The following KCTD2 variants were observed in gnomAD, a reference collection of about 807,000 sequenced individuals.
KCTD2 encodes the protein potassium channel tetramerization domain containing 2.
A neutral mutation model predicts 27.9 loss-of-function variants in KCTD2; 18 were observed. The ratio of observed to expected loss-of-function variants is 0.64; its 90% confidence interval spans 0.45 to 0.96. KCTD2 has a LOEUF of 0.96. Among genes scored for constraint, KCTD2 ranks in the 40% least tolerant of loss-of-function variants. The pLI is 0.00. For missense variants in KCTD2, 280 were observed against 348.0 expected, an observed-to-expected ratio of 0.80 and a Z score of 1.56; for synonymous variants, 175 against 148.4, an observed-to-expected ratio of 1.18 and a Z score of -1.30.
chr17:75,042,541 G>C (rs1567987792), upstream of KCTD2: 1 of 1,612,112 alleles, frequency 6.2e-7, no homozygotes, highest in Admixed American at 1.7e-5. Context: ...GGAGGTGAGG[G>C]TCTCATTCCA....
chr17:75,052,934 C>G, intron 2 of KCTD2, 80 bp from the exon 3 acceptor site: 1 of 988,556 alleles, frequency 1.0e-6, no homozygotes, highest in East Asian at 2.4e-5. Context: ...TTTTAGCAAG[C>G]ATGTAACCTT....
At chr17:75,048,045 G>C in intron 1 of KCTD2, among the ~76,000 whole-genome samples, 1 of 152,156 alleles carries the variant, frequency 6.6e-6, no homozygotes, top group East Asian at 1.9e-4. Context: ...CTGCCAAGTT[G>C]GGCTTCCACA....
intron 3 of KCTD2, among the ~76,000 whole-genome samples, chr17:75,053,327 TGCTTACCAGATGGCGG>T (rs1428320158): frequency 2.0e-5 from 3 of 152,174 alleles, no homozygotes; most frequent in Non-Finnish European, 2.9e-5. Context: ...AGATTGTCGC[TGCTTACCAGATGGCGG>T]GAGGAGGCGC....
intron 3 of KCTD2, among the ~76,000 whole-genome samples, chr17:75,036,609 C>T (rs1043338512): frequency 1.3e-5 from 2 of 152,256 alleles, no homozygotes; most frequent in Non-Finnish European, 2.9e-5. Context: ...GCTGGGGTTG[C>T]CCCCTTCACA....
chr17:75,062,210 A>C lies in KCTD2; in HGVS notation c.727A>C (p.Asn243His). ...VVSRELNNST[N>H]GIVIEPSEKA... ...CTCCAGAGAACTAAATAATTCTACC[A>C]ATGGCATCGTCATAGAGCCGAGCGA... The change falls in exon 5 of 6, where the codon AAT becomes CAT. Residue 243 changes from asparagine to histidine, a missense_variant. By Grantham distance (68) the Asn-to-His change is moderately conservative. Transcript: ENST00000322444. 6.2e-7 allele frequency: 1 copy of C among 1,614,068 alleles called. No homozygotes were observed. The highest frequency in any genetic ancestry group is 1.1e-5 in the South Asian group (1 of 91,062).
intron 5 of KCTD2, 44 bp downstream of exon 5, chr17:75,062,289 T>C: frequency 1.9e-6 from 3 of 1,580,198 alleles, no homozygotes; most frequent in Non-Finnish European, 2.6e-6. Flanking sequence ...GCTTGCTTGT[T>C]CGCACCCCCT....
At chr17:75,048,317 C>T (rs1306505588) in intron 1 of KCTD2, among the ~76,000 whole-genome samples, 1 of 152,128 alleles carries the variant, frequency 6.6e-6, no homozygotes, top group Non-Finnish European at 1.5e-5. Context: ...CCAGTTTGAA[C>T]TGTGTCAATT....
chr17:75,062,202 A>C lies in KCTD2; in HGVS notation c.719A>C (p.Asn240Thr). 6.2e-7 allele frequency: 1 copy of C among 1,614,004 alleles called. No individual in the cohort carries two copies. Among genetic ancestry groups the C allele is most frequent in the Non-Finnish European group, 8.5e-7 (1 of 1,179,964 alleles). ...TGTGTTGTCTCCAGAGAACTAAATA[A>C]TTCTACCAATGGCATCGTCATAGAG... is the stretch of plus-strand genomic sequence containing the variant. ...FLCVVSRELN[N>T]STNGIVIEPS... Residue 240 changes from asparagine (N) to threonine (T), a missense_variant, in exon 5 of 6, where the codon AAT (asparagine) becomes ACT (threonine). By Grantham distance (65) the Asn-to-Thr change is moderately conservative. Coordinates refer to ENST00000322444, the MANE Select transcript of KCTD2 (RefSeq NM_015353.3).
intron 3 of KCTD2, chr17:75,040,497 G>C: frequency 3.2e-6 from 1 of 312,892 alleles, no homozygotes; most frequent in Non-Finnish European, 6.0e-6. Flanking sequence ...TTAGCACCTT[G>C]AATTGTAAAG....
intron 3 of KCTD2, chr17:75,039,925 C>T (rs541057177): frequency 2.9e-5 from 21 of 722,746 alleles, no homozygotes; most frequent in Middle Eastern, 3.1e-4. Flanking sequence ...TCTTTCACTC[C>T]GCATAATTAT....
chr17:75,039,109 A>G, intron 3 of KCTD2: 1 of 1,612,554 alleles, frequency 6.2e-7, no homozygotes, highest in Non-Finnish European at 8.5e-7. Context: ...CAGAGACGGA[A>G]AGCAGAATAT....
chr17:75,042,191 A>G (rs1323422739), intron 3 of KCTD2: 8 of 1,613,886 alleles, frequency 5.0e-6, no homozygotes, highest in Non-Finnish European at 6.8e-6. Flanking sequence ...CTTCTTCTCA[A>G]AGTCATCCAC....
intron 3 of KCTD2, chr17:75,040,009 T>C (rs761665654): frequency 2.8e-6 from 4 of 1,434,098 alleles, no homozygotes; most frequent in Non-Finnish European, 3.9e-6. Context: ...TTCCATTTAA[T>C]TCACTCTAAC....
intron 3 of KCTD2, among the ~76,000 whole-genome samples, chr17:75,057,652 G>A (rs181498259): frequency 6.0e-5 from 9 of 150,028 alleles, no homozygotes; most frequent in Non-Finnish European, 1.0e-4. Flanking sequence ...TTCTGCCTCC[G>A]GGGTTCAAGC....
At chr17:75,048,223 T>A (rs2073248390) in intron 1 of KCTD2, among the ~76,000 whole-genome samples, 1 of 152,132 alleles carries the variant, frequency 6.6e-6, no homozygotes, top group African/African-American at 2.4e-5. Flanking sequence ...AGAAGGAAAA[T>A]GAAAATTTTC....
chr17:75,037,386 G>C (rs1433778696), intron 3 of KCTD2, among the ~76,000 whole-genome samples: 9 of 148,540 alleles, frequency 6.1e-5, no homozygotes, highest in Non-Finnish European at 1.0e-4. Flanking sequence ...AATGTCACAA[G>C]TCTCCCCTGC....
At position 75,058,958 on chromosome 17, in the gene KCTD2, C is replaced by T. The variant is rs546508363; in HGVS notation, c.541-552C>T. 6.4e-4 allele frequency among the ~76,000 whole-genome samples: 97 copies of T among 151,888 alleles called. No homozygotes were observed. In the East Asian group the frequency reaches 0.018, roughly 28 times the overall value. The stretch of plus-strand genomic sequence containing the variant: ...TAAAAAATACAAAAAATTAGCCGGG[C>T]GTGGTGGCGGGTGCCTGTAGTCCCA... On this transcript the variant is annotated intron_variant, in intron 3 of 5. Transcript: ENST00000322444.
rs1418851159 is a variant in KCTD2, at chr17:75,059,497, CTGG to C, written c.541-11_541-9del. On this transcript the variant is annotated splice_polypyrimidine_tract_variant and intron_variant, in intron 3 of 5. Transcript: ENST00000322444. Reference sequence around the variant, plus strand: ...CCTTGGTGCTGTTCTCAGTCTGCGCCTGGTCATTGCAGGGCCCCGTGAAGCACG... The same window carrying C: ...CCTTGGTGCTGTTCTCAGTCTGCGCCTCATTGCAGGGCCCCGTGAAGCACG... 2 of 1,606,100 alleles carry C rather than the reference CTGG, an allele frequency of 1.2e-6. No homozygotes were observed. Among genetic ancestry groups the C allele is most frequent in the Non-Finnish European group, 1.7e-6 (2 of 1,174,538 alleles).
At chr17:75,047,687 C>G in intron 1 of KCTD2, 98 bp downstream of exon 1, 1 of 1,284,754 alleles carries the variant, frequency 7.8e-7, no homozygotes, top group Non-Finnish European at 1.0e-6. Flanking sequence ...CACAGGCAGC[C>G]CCCTCAGGCC....
Sources: allele counts gnomAD v4.1 joint callset (sites outside exome capture counted in the v4.1 genomes callset), GRCh38; gene constraint gnomAD v4.1.1; transcripts MANE v1.5; gene names NCBI Gene and HGNC (gene_info 2026-07-23, HGNC 2026-07-21).